SNTG1: variants seen among roughly 807,000 people sequenced by gnomAD.
SNTG1 encodes syntrophin gamma 1.
A neutral mutation model predicts 74.7 loss-of-function variants in SNTG1; 39 were observed. That is an observed-to-expected ratio of 0.52 (90% CI 0.40 to 0.68). SNTG1 has a LOEUF of 0.68. SNTG1 is among the 30% of genes least tolerant of loss of function. The pLI is 0.00. For missense variants in SNTG1, 685 were observed against 609.5 expected (o/e 1.12, Z -1.30); for synonymous variants, 254 against 217.1 (o/e 1.17, Z -1.49).
chr8:50,262,936 A>AAG (rs1563814914), intron 2 of SNTG1, among the ~76,000 whole-genome samples: 2 of 152,192 alleles, frequency 1.3e-5, no homozygotes, highest in Admixed American at 6.5e-5. Context: ...GATTAGAGGA[A>AAG]AGAGAGAGAT....
At chr8:49,970,968 G>T (rs568907533) in intron 1 of SNTG1, among the ~76,000 whole-genome samples, 21 of 152,128 alleles carry the variant, frequency 1.4e-4, no homozygotes, top group Non-Finnish European at 2.4e-4. Flanking sequence ...CATTCATTCT[G>T]AAACTATTCC....
At chr8:50,664,117 C>T (rs948824449) in intron 15 of SNTG1, among the ~76,000 whole-genome samples, 1 of 152,120 alleles carries the variant, frequency 6.6e-6, no homozygotes, top group Admixed American at 6.6e-5. Context: ...TGTAAAGCAA[C>T]ATGGAAGTTA....
chr8:50,137,410 T>A lies in SNTG1; in HGVS notation c.-102-35151T>A, dbSNP rs548637086. Among the ~76,000 whole-genome samples, 8 of 152,282 alleles carry A rather than the reference T, an allele frequency of 5.3e-5. No homozygotes were observed. In the East Asian group the frequency reaches 1.6e-3, roughly 30 times the overall value. ...CTGTAGTCAACTTTCCATCTTTCAT[T>A]TAGCAATGGTTTATATGGTGCTTGC... On this transcript the variant is annotated intron_variant, in intron 1 of 18. Coordinates refer to ENST00000642720, the MANE Select transcript of SNTG1 (RefSeq NM_018967.5).
At chr8:50,092,068 G>A (rs537515396) in intron 1 of SNTG1, among the ~76,000 whole-genome samples, 65 of 152,174 alleles carry the variant, frequency 4.3e-4, no homozygotes, top group African/African-American at 1.4e-3. Flanking sequence ...TTTATTTATT[G>A]TATGCCACTG....
At position 50,438,458 on chromosome 8, in the gene SNTG1, G is replaced by A; in HGVS notation, c.163-85G>A. 6 of 1,210,720 alleles carry A rather than the reference G, an allele frequency of 5.0e-6. No homozygotes were observed. The South Asian group carries it at 6.5e-5, about 13-fold the overall frequency. The allele number at this position is 1,210,720 out of a possible 1,614,324, so 75.0% of individuals were successfully genotyped here. A position where few individuals can be genotyped will look rare whatever the true frequency, so the allele number is the denominator to read the frequency against. ...TTTTAAAGAGCAAAAGCAAAACCCAGAAGAAAACCAAAAAAACAACAAAAA... is the reference window on the plus strand; with the variant it reads ...TTTTAAAGAGCAAAAGCAAAACCCAAAAGAAAACCAAAAAAACAACAAAAA... On this transcript the variant is annotated intron_variant, in intron 4 of 18. Transcript: ENST00000642720.
intron 12 of SNTG1, 136 bp from the exon 13 acceptor site, chr8:50,590,743 T>C: frequency 1.9e-6 from 1 of 523,328 alleles, no homozygotes; most frequent in Middle Eastern, 5.1e-4. Context: ...TGTTGTTTTA[T>C]ATGTGATGAT....
chr8:50,680,225 T>C (rs1290201798), intron 15 of SNTG1, among the ~76,000 whole-genome samples: 1 of 152,174 alleles, frequency 6.6e-6, no homozygotes, highest in African/African-American at 2.4e-5. Flanking sequence ...GGATAGTGTA[T>C]GTGACAGGCA....
chr8:50,202,567 T>C (rs1410925736), intron 2 of SNTG1, among the ~76,000 whole-genome samples: 1 of 152,164 alleles, frequency 6.6e-6, no homozygotes, highest in Non-Finnish European at 1.5e-5. Context: ...ATTGCACAGA[T>C]GACCCACAGT....
intron 1 of SNTG1, among the ~76,000 whole-genome samples, chr8:50,076,726 CA>C (rs1475934959): frequency 6.6e-6 from 1 of 151,944 alleles, no homozygotes; most frequent in African/African-American, 2.4e-5. Flanking sequence ...TCCTAAGGTA[CA>C]AAATGTTGAG....
chr8:50,345,401 G>A (rs1004245123), intron 2 of SNTG1, among the ~76,000 whole-genome samples: 1 of 152,070 alleles, frequency 6.6e-6, no homozygotes, highest in Non-Finnish European at 1.5e-5. Context: ...TGCCCTCTAG[G>A]ATCCTGGCTC....
At chr8:50,386,308 C>T (rs1250607657) in intron 2 of SNTG1, among the ~76,000 whole-genome samples, 1 of 151,936 alleles carries the variant, frequency 6.6e-6, no homozygotes, top group Non-Finnish European at 1.5e-5. Flanking sequence ...TTTTGTGTCT[C>T]CAGGAATTAG....
chr8:50,585,881 A>G (rs2094645035), intron 12 of SNTG1, among the ~76,000 whole-genome samples: 1 of 152,220 alleles, frequency 6.6e-6, no homozygotes, highest in African/African-American at 2.4e-5. Flanking sequence ...TATTGCCAGT[A>G]TCTTTATATT....
chr8:49,964,623 CCCA>C (rs1563403800), intron 1 of SNTG1, among the ~76,000 whole-genome samples: 1 of 152,168 alleles, frequency 6.6e-6, no homozygotes, highest in Non-Finnish European at 1.5e-5. Context: ...CTTCTTTCTT[CCCA>C]TGTGGGAAAC....
intron 1 of SNTG1, among the ~76,000 whole-genome samples, chr8:49,965,768 G>A (rs2129821482): frequency 6.6e-6 from 1 of 152,144 alleles, no homozygotes; most frequent in Middle Eastern, 3.4e-3. Flanking sequence ...AAAACCAAAT[G>A]GCATATTACA....
intron 15 of SNTG1, among the ~76,000 whole-genome samples, chr8:50,692,281 A>C (rs976742227): frequency 6.6e-6 from 1 of 152,080 alleles, no homozygotes; most frequent in Non-Finnish European, 1.5e-5. Flanking sequence ...ACTTTGTTCC[A>C]CTGCTGGTGA....
chr8:50,103,616 A>T lies in SNTG1; in HGVS notation c.-102-68945A>T, dbSNP rs577722275. Among the ~76,000 whole-genome samples the T allele has an allele frequency of 3.3e-3, 507 of 152,286 alleles. 2 individuals carry two copies. The highest frequency in any genetic ancestry group is 6.3e-3 in the Admixed American group (97 of 15,282). On this transcript the variant is annotated intron_variant, in intron 1 of 18. Coordinates refer to ENST00000642720, the MANE Select transcript of SNTG1 (RefSeq NM_018967.5). ...CACTATGTTGAATAGGAGTGGTGAG[A>T]GAGGGCATCCCTGTCTTGTGCCAGT...
chr8:50,286,068 G>A (rs185367636), intron 2 of SNTG1, among the ~76,000 whole-genome samples: 12 of 151,868 alleles, frequency 7.9e-5, no homozygotes, highest in East Asian at 3.9e-4. Flanking sequence ...ATGTTTTGGC[G>A]TTTTTTCTCA....
intron 8 of SNTG1, among the ~76,000 whole-genome samples, chr8:50,502,005 A>T (rs942517662): frequency 4.0e-5 from 6 of 151,820 alleles, no homozygotes; most frequent in East Asian, 3.9e-4. Context: ...AATTTTTTTT[A>T]AATTTTAAAA....
intron 9 of SNTG1, among the ~76,000 whole-genome samples, chr8:50,513,613 T>C (rs1374160886): frequency 6.6e-6 from 1 of 152,234 alleles, no homozygotes; most frequent in Non-Finnish European, 1.5e-5. Flanking sequence ...GCCTTGGCAA[T>C]GGCGGATGCC....
Sources: allele counts gnomAD v4.1 joint callset (sites outside exome capture counted in the v4.1 genomes callset), GRCh38; gene constraint gnomAD v4.1.1; transcripts MANE v1.5; gene names NCBI Gene and HGNC (gene_info 2026-07-23, HGNC 2026-07-21).